The following MED13L variants were observed in gnomAD, a reference collection of about 807,000 sequenced individuals.
The protein encoded by MED13L is mediator of RNA polymerase II transcription subunit 13-like.
In MED13L, 7 loss-of-function variants were observed where a neutral mutation model predicts 220.9. The ratio of observed to expected loss-of-function variants is 0.03; its 90% CI spans 0.02 to 0.06. MED13L has a LOEUF of 0.06. MED13L is among the 10% of genes least tolerant of loss of function. The pLI is 1.00. For missense variants in MED13L, 1,965 were observed against 2,760.5 expected, an observed-to-expected ratio of 0.71 and a Z score of 6.46; for synonymous variants, 1,011 against 1,015.2, an observed-to-expected ratio of 1.00 and a Z score of 0.08.
intron 2 of MED13L, among the ~76,000 whole-genome samples, chr12:116,122,006 A>G (rs1384685978): frequency 6.6e-6 from 1 of 152,206 alleles, no homozygotes; most frequent in Non-Finnish European, 1.5e-5. Context: ...ACTAACGGCT[A>G]AAGATAGCAT....
intron 4 of MED13L, among the ~76,000 whole-genome samples, chr12:116,031,571 A>G (rs1880740018): frequency 7.3e-6 from 1 of 137,820 alleles, no homozygotes. Flanking sequence ...CAGCCTGGGC[A>G]ACAGAGCGAG....
chr12:116,153,433 A>G (rs1204759227), intron 2 of MED13L, among the ~76,000 whole-genome samples: 1 of 152,198 alleles, frequency 6.6e-6, no homozygotes, highest in Non-Finnish European at 1.5e-5. Flanking sequence ...CTATCCCACC[A>G]CCACAAATAA....
chr12:116,145,364 C>A (rs1877391031), intron 2 of MED13L, among the ~76,000 whole-genome samples: 1 of 152,210 alleles, frequency 6.6e-6, no homozygotes, highest in Non-Finnish European at 1.5e-5. Context: ...TGGAACCGAG[C>A]CCAGGGGAGG....
intron 1 of MED13L, among the ~76,000 whole-genome samples, chr12:116,258,502 C>T (rs1872235289): frequency 6.6e-6 from 1 of 152,064 alleles, no homozygotes; most frequent in African/African-American, 2.4e-5. Context: ...AACGGCCGGA[C>T]ACGGTAGCTC....
At chr12:116,259,657 T>C (rs1296498296) in intron 1 of MED13L, among the ~76,000 whole-genome samples, 1 of 152,202 alleles carries the variant, frequency 6.6e-6, no homozygotes, top group Non-Finnish European at 1.5e-5. Context: ...TTCTACCTTA[T>C]GTGTGATTTA....
chr12:116,028,834 G>A (rs1043295656), intron 4 of MED13L, among the ~76,000 whole-genome samples: 2 of 152,116 alleles, frequency 1.3e-5, no homozygotes, highest in African/African-American at 4.8e-5. Flanking sequence ...TCTGATTCAA[G>A]TAATTCTTTG....
chr12:115,975,735 G>T lies in MED13L; in HGVS notation c.5368C>A (p.Pro1790Thr), dbSNP rs768269742. The T allele has an allele frequency of 6.2e-7, 1 of 1,613,654 alleles. No homozygotes were observed. Among genetic ancestry groups the T allele is most frequent in the South Asian group, 1.1e-5 (1 of 91,058 alleles). Residue 1790 changes from proline (P) to threonine (T), a missense_variant, in exon 24 of 31, where the codon CCC becomes ACC. Coordinates refer to ENST00000281928, the MANE Select transcript of MED13L (RefSeq NM_015335.5). The part of the protein sequence containing the change: ...IEMTLKNPER[P>T]SPIQLYSPPF... Reference sequence around the variant, plus strand: ...GGGGAGTAAAGCTGGATTGGGCTGGGCCGCTGAAATCAAAACCAAAATCAA... The same window carrying T: ...GGGGAGTAAAGCTGGATTGGGCTGGTCCGCTGAAATCAAAACCAAAATCAA...
At chr12:116,120,512 C>CAT (rs1874998812) in intron 2 of MED13L, among the ~76,000 whole-genome samples, 1 of 150,312 alleles carries the variant, frequency 6.7e-6, no homozygotes, top group African/African-American at 2.5e-5. Flanking sequence ...CACACACACA[C>CAT]ACACACACAG....
intron 2 of MED13L, among the ~76,000 whole-genome samples, chr12:116,189,746 G>C (rs1034135689): frequency 1.3e-5 from 2 of 152,188 alleles, no homozygotes; most frequent in Non-Finnish European, 2.9e-5. Flanking sequence ...GTAGTTTTTA[G>C]AGTTATAAGA....
intron 3 of MED13L, among the ~76,000 whole-genome samples, chr12:116,108,122 A>C (rs909934820): frequency 7.9e-5 from 12 of 151,492 alleles, no homozygotes; most frequent in South Asian, 2.1e-4. Context: ...AAAAAAAAAA[A>C]CCCCTCAGTT....
intron 4 of MED13L, among the ~76,000 whole-genome samples, chr12:116,084,462 TA>T (rs1871474703): frequency 6.6e-6 from 1 of 152,338 alleles, no homozygotes; most frequent in East Asian, 1.9e-4. Context: ...AGAGAGATCA[TA>T]ATGTCTTGTT....
At chr12:116,044,225 A>C (rs1031733984) in intron 4 of MED13L, among the ~76,000 whole-genome samples, 1 of 152,152 alleles carries the variant, frequency 6.6e-6, no homozygotes, top group African/African-American at 2.4e-5. Flanking sequence ...TTCAAAGCCA[A>C]CTTAAGCACT....
At chr12:116,264,681 C>T (rs1339728890) in intron 1 of MED13L, among the ~76,000 whole-genome samples, 1 of 152,142 alleles carries the variant, frequency 6.6e-6, no homozygotes, top group Non-Finnish European at 1.5e-5. Context: ...TCCAGCCAGG[C>T]TTGTTTTATC....
chr12:116,085,951 C>A (rs144996308), intron 4 of MED13L, among the ~76,000 whole-genome samples: 286 of 152,232 alleles, frequency 1.9e-3, no homozygotes, highest in African/African-American at 6.8e-3. Flanking sequence ...AGAATATGAA[C>A]AATGAGAAAA....
intron 23 of MED13L, among the ~76,000 whole-genome samples, chr12:115,978,185 T>A (rs1021371147): frequency 8.5e-5 from 13 of 152,222 alleles, no homozygotes; most frequent in Non-Finnish European, 1.2e-4. Context: ...TGCCAAGGAC[T>A]GGAGTGGGGA....
chr12:116,143,450 T>C (rs951548913), intron 2 of MED13L, among the ~76,000 whole-genome samples: 4 of 152,284 alleles, frequency 2.6e-5, no homozygotes, highest in East Asian at 1.9e-4. Flanking sequence ...CAATTCATAA[T>C]GGGTGTGTCC....
rs569593716 is a variant in MED13L at position 116,228,398 on chromosome 12, C to T, written c.310+9070G>A. Among the ~76,000 whole-genome samples the T allele has an allele frequency of 8.1e-4, 124 of 152,270 alleles. No individual in the cohort carries two copies. The South Asian group carries it at 0.017, about 21-fold the overall frequency. On this transcript the variant is annotated intron_variant, in intron 2 of 30. Transcript: ENST00000281928. ...GTGGCACAATCATAGCTCACTGCAA[C>T]CCTGAACTCTTGGGCTCAAGTAATC... is the stretch of plus-strand genomic sequence containing the variant.
intron 17 of MED13L, among the ~76,000 whole-genome samples, chr12:115,989,202 A>C (rs556686528): frequency 6.6e-6 from 1 of 152,310 alleles, no homozygotes; most frequent in African/African-American, 2.4e-5. Flanking sequence ...CCGGGTTCGC[A>C]CATCATTCAC....
intron 16 of MED13L, among the ~76,000 whole-genome samples, chr12:115,995,500 T>C (rs1156344849): frequency 4.6e-5 from 7 of 152,224 alleles, no homozygotes; most frequent in African/African-American, 1.4e-4. Flanking sequence ...CTTGGCTCAC[T>C]GCAACCTCCG....
Sources: allele counts gnomAD v4.1 joint callset (sites outside exome capture counted in the v4.1 genomes callset), GRCh38; gene constraint gnomAD v4.1.1; transcripts MANE v1.5; gene names NCBI Gene and HGNC (gene_info 2026-07-23, HGNC 2026-07-21).